Variants in ITGAE observed in about 807,000 individuals in gnomAD.
ITGAE encodes the protein integrin subunit alpha E.
A neutral mutation model predicts 136.5 loss-of-function variants in ITGAE; 99 were observed. The ratio of observed to expected loss-of-function variants is 0.73; its 90% CI spans 0.62 to 0.86. The LOEUF (loss-of-function observed/expected upper bound fraction) is 0.86. Among genes scored for constraint, ITGAE ranks in the 40% least tolerant of loss-of-function variants. ITGAE has a pLI of 0.00. For synonymous variants in ITGAE, 613 were observed against 591.8 expected (o/e 1.04, Z -0.52); for missense variants, 1,447 against 1,515.3 (o/e 0.95, Z 0.75).
At chr17:3,725,384 AC>A in intron 26 of ITGAE, 1 of 1,614,238 alleles carries the variant, frequency 6.2e-7, no homozygotes, top group South Asian at 1.1e-5. Context: ...CCACAGAAAA[AC>A]TGCAACGCTG....
rs1407114950 is a variant in ITGAE at position 3,799,378 on chromosome 17, T to A, written c.34+1733A>T. Among the ~76,000 whole-genome samples the A allele has an allele frequency of 6.6e-6, 1 of 152,032 alleles. No individual in the cohort carries two copies. The highest frequency in any genetic ancestry group is 2.4e-5 in the African/African-American group (1 of 41,372). Reference sequence around the variant, plus strand: ...CATGGCAAGTCTGCTCCATCATCGCTCTCTGCTGCCCATCAGCTTGGGAAG... The same window carrying A: ...CATGGCAAGTCTGCTCCATCATCGCACTCTGCTGCCCATCAGCTTGGGAAG... On this transcript the variant is annotated intron_variant, in intron 1 of 30. Transcript: ENST00000263087. This position sits in a 1 kb window ranked among gnomAD's most constrained non-coding sequence, Gnocchi z 4.1.
At chr17:3,774,690 A>G (rs1000227251) in intron 2 of ITGAE, among the ~76,000 whole-genome samples, 1 of 152,190 alleles carries the variant, frequency 6.6e-6, no homozygotes, top group African/African-American at 2.4e-5. Context: ...ACTTGAACCC[A>G]GGAGGCGGAG....
intron 8 of ITGAE, 75 bp from the exon 9 acceptor site, chr17:3,757,934 CT>C: frequency 6.5e-7 from 1 of 1,528,264 alleles, no homozygotes; most frequent in South Asian, 1.2e-5. Flanking sequence ...ACTTTATTCT[CT>C]GACCTGTATT....
At chr17:3,800,401 G>A (rs2053224636) in intron 1 of ITGAE, among the ~76,000 whole-genome samples, 1 of 152,204 alleles carries the variant, frequency 6.6e-6, no homozygotes, top group South Asian at 2.1e-4. Flanking sequence ...TCACTAGGCA[G>A]GACCACCCTG....
At chr17:3,732,217 A>G (rs2051360978) in intron 22 of ITGAE, 151 bp downstream of exon 22, 3 of 658,784 alleles carry the variant, frequency 4.6e-6, no homozygotes, top group Non-Finnish European at 8.1e-6. Flanking sequence ...CCCTACTTTC[A>G]GAGCCAGCTT....
intron 2 of ITGAE, among the ~76,000 whole-genome samples, chr17:3,770,387 C>T (rs1270152432): frequency 6.6e-6 from 1 of 152,096 alleles, no homozygotes; most frequent in Non-Finnish European, 1.5e-5. Context: ...GCCTCAGCCT[C>T]CCAAAGTGCT....
chr17:3,731,505 C>T (rs2051343384), intron 22 of ITGAE, among the ~76,000 whole-genome samples: 1 of 151,886 alleles, frequency 6.6e-6, no homozygotes, highest in South Asian at 2.1e-4. Context: ...CCACGCCCAG[C>T]TAATTTTTGT....
intron 1 of ITGAE, among the ~76,000 whole-genome samples, chr17:3,796,170 C>CGTGTGT (rs71381510): frequency 0.034 from 4,323 of 126,982 alleles, 162 homozygotes; most frequent in South Asian, 0.064. Flanking sequence ...TGTGTGCATC[C>CGTGTGT]GTGTGTGTGT....
chr17:3,764,577 G>A (rs1449254350), intron 2 of ITGAE, among the ~76,000 whole-genome samples: 3 of 152,152 alleles, frequency 2.0e-5, no homozygotes, highest in Admixed American at 6.5e-5. Flanking sequence ...TGTGCCTGTA[G>A]TCCCAGCTAC....
intron 21 of ITGAE, among the ~76,000 whole-genome samples, chr17:3,734,190 C>T (rs1420800778): frequency 1.3e-5 from 2 of 152,318 alleles, no homozygotes; most frequent in South Asian, 2.1e-4. Context: ...CCTGCCTCAG[C>T]CTCCCGAGTA....
Position 3,728,143 on chromosome 17 carries a change from C to T in ITGAE, c.2938G>A (p.Gly980Ser). ...SKPSIMYVNT[G>S]QGLSHHKEFL... ...TCTTTGTGGTGAGAAAGCCCCTGGC[C>T]TGTGTTCACGTACATTATGGATGGT... is the stretch of plus-strand genomic sequence containing the variant. The change falls in exon 25 of 31, where the codon GGC becomes AGC. Residue 980 changes from glycine to serine, a missense_variant. Physicochemically the swap from Gly to Ser is moderately conservative, Grantham distance 56. Around this residue, in one of 3 missense-constraint regions of ITGAE, gnomAD observed 1,031 missense variants for 1,011.4 expected, o/e 1.02. Coordinates refer to ENST00000263087, the MANE Select transcript of ITGAE (RefSeq NM_002208.5). 6.2e-7 allele frequency: 1 copy of T among 1,613,450 alleles called. No individual in the cohort carries two copies. Among genetic ancestry groups the T allele is most frequent in the Middle Eastern group, 1.6e-4 (1 of 6,062 alleles).
chr17:3,740,268 G>C (rs1294891906), intron 19 of ITGAE, among the ~76,000 whole-genome samples: 1 of 152,216 alleles, frequency 6.6e-6, no homozygotes, highest in African/African-American at 2.4e-5. Flanking sequence ...TAGTCCTTTC[G>C]GATATAGGCA....
chr17:3,729,515 G>T lies in ITGAE; in HGVS notation c.2875C>A (p.Leu959Ile), dbSNP rs770811260. 4 of 1,612,174 alleles carry T rather than the reference G, an allele frequency of 2.5e-6. No individual in the cohort carries two copies. The Admixed American group carries it at 6.7e-5, about 27-fold the overall frequency. Reference protein sequence around the residue: ...RRSLANETHTLQFRHGFVAVL... With the variant: ...RRSLANETHTIQFRHGFVAVL... ...GCAACGAAGCCATGCCTGAATTGAA[G>T]GGTGTGGGTCTCGTTGGCCAAAGAC... is the stretch of plus-strand genomic sequence containing the variant. The change falls in exon 24 of 31, where the codon CTT (leucine) becomes ATT (isoleucine). Residue 959 changes from leucine to isoleucine, a missense_variant. Around this residue, in one of 3 missense-constraint regions of ITGAE, gnomAD observed 1,031 missense variants for 1,011.4 expected, o/e 1.02. Coordinates refer to ENST00000263087, the MANE Select transcript of ITGAE (RefSeq NM_002208.5).
chr17:3,720,855 T>G (rs1203296044), intron 28 of ITGAE, among the ~76,000 whole-genome samples: 2 of 152,134 alleles, frequency 1.3e-5, no homozygotes, highest in Non-Finnish European at 2.9e-5. Context: ...AGTGCTGGGA[T>G]TACAGGCGTG....
intron 28 of ITGAE, among the ~76,000 whole-genome samples, chr17:3,722,790 TTTTG>T (rs1336155981): frequency 3.9e-5 from 6 of 152,102 alleles, no homozygotes; most frequent in East Asian, 1.9e-4. Context: ...CAAGCATCAG[TTTTG>T]TTTGTTTGTT....
At chr17:3,758,248 T>C (rs551143371) in intron 8 of ITGAE, among the ~76,000 whole-genome samples, 16 of 152,194 alleles carry the variant, frequency 1.1e-4, no homozygotes, top group African/African-American at 3.1e-4. Context: ...GTGCTATTAT[T>C]TTTCTTTCTT....
chr17:3,769,611 C>T (rs1416849483), intron 2 of ITGAE, among the ~76,000 whole-genome samples: 4 of 152,258 alleles, frequency 2.6e-5, no homozygotes, highest in Admixed American at 6.5e-5. Context: ...GGCCCTGTTA[C>T]ACCCTGAGCT....
intron 4 of ITGAE, among the ~76,000 whole-genome samples, 184 bp from the exon 5 acceptor site, chr17:3,761,704 C>T (rs1201240583): frequency 6.6e-6 from 1 of 152,214 alleles, no homozygotes; most frequent in Non-Finnish European, 1.5e-5. Flanking sequence ...CCGACACCTG[C>T]AGGAGTGTGC....
In ITGAE at chr17:3,761,503, C is replaced by A. The variant is rs574659834; in HGVS notation, c.333G>T (p.Leu111=). 3 of 1,613,632 alleles carry A rather than the reference C, an allele frequency of 1.9e-6. No individual in the cohort carries two copies. The highest frequency in any genetic ancestry group is 2.2e-5 in the South Asian group (2 of 91,024). The change falls in exon 5 of 31, where the codon CTG becomes CTT. Residue 111 remains leucine, a synonymous_variant. Coordinates refer to ENST00000263087, the MANE Select transcript of ITGAE (RefSeq NM_002208.5). The part of the protein sequence containing the change: ...HHGVLICIQV[L]VRRPHSLSSE... ...AGCTGAGGCTGTGAGGCCGCCGGACCAGCACTTGAATGCATATCTGTGGGA... is the reference window on the plus strand; with the variant it reads ...AGCTGAGGCTGTGAGGCCGCCGGACAAGCACTTGAATGCATATCTGTGGGA...
Sources: gnomAD v4.1 joint callset for allele counts (sites outside exome capture counted in the v4.1 genomes callset) on GRCh38, gnomAD v4.1.1 for gene constraint, gnomAD v4.1.1 regional missense constraint, Gnocchi (gnomAD v3.1) non-coding constraint, MANE v1.5 for transcripts, NCBI Gene and HGNC (gene_info 2026-07-23, HGNC 2026-07-21) for gene names.